The following CPEB2 variants were observed in gnomAD, a reference collection of about 807,000 sequenced individuals.
CPEB2 encodes cytoplasmic polyadenylation element-binding protein 2.
A neutral mutation model predicts 93.6 loss-of-function variants in CPEB2; 56 were observed. That is an observed-to-expected ratio of 0.60 (90% confidence interval 0.48 to 0.75). CPEB2 has a LOEUF of 0.75. CPEB2 is among the 30% of genes least tolerant of loss of function. The pLI is 0.00. For synonymous variants in CPEB2, 764 were observed against 586.3 expected (o/e 1.30, Z -4.38); for missense variants, 1,579 against 1,395.1 (o/e 1.13, Z -2.10).
chr4:15,056,990 C>T (rs77759508), intron 8 of CPEB2, among the ~76,000 whole-genome samples: 4,143 of 151,510 alleles, frequency 0.027, 89 homozygotes, highest in South Asian at 0.14. Flanking sequence ...TTAAATTAAG[C>T]AATATTAAAA....
chr4:15,004,591 G>T (rs1722525321), intron 1 of CPEB2, among the ~76,000 whole-genome samples: 1 of 152,080 alleles, frequency 6.6e-6, no homozygotes, highest in South Asian at 2.1e-4. Flanking sequence ...TGGGAGCCGC[G>T]GCTGGCCGGG....
chr4:15,024,935 G>A (rs187616986), intron 4 of CPEB2, among the ~76,000 whole-genome samples: 251 of 151,788 alleles, frequency 1.7e-3, no homozygotes, highest in Middle Eastern at 3.4e-3. Context: ...CAGTAGAGAC[G>A]GGGTTTCACT....
intron 4 of CPEB2, among the ~76,000 whole-genome samples, chr4:15,026,362 G>A (rs1725480192): frequency 6.6e-6 from 1 of 151,900 alleles, no homozygotes; most frequent in Non-Finnish European, 1.5e-5. Flanking sequence ...AAGTAACTGG[G>A]ACTAGAAGCA....
chr4:15,062,201 T>C lies in CPEB2; in HGVS notation c.2818T>C (p.Tyr940His), dbSNP rs1729252932. 1.2e-6 allele frequency: 2 copies of C among 1,612,920 alleles called. No individual in the cohort carries two copies. The change falls in exon 11 of 12, where the codon TAT becomes CAT. Residue 940 changes from tyrosine (Y) to histidine (H), a missense_variant. Tyr to His is a moderately conservative substitution (Grantham distance 83). Around this residue, in one of 2 missense-constraint regions of CPEB2, gnomAD observed 168 missense variants for 339.1 expected, o/e 0.50. Transcript: ENST00000538197. ...AGTTGCTTTCTCCAATCAGCAGAGCTATATTGCTGCCATTAGTGCTCGGTT... is the reference window on the plus strand; with the variant it reads ...AGTTGCTTTCTCCAATCAGCAGAGCCATATTGCTGCCATTAGTGCTCGGTT... ...GRVAFSNQQS[Y>H]IAAISARFVQ...
intron 10 of CPEB2, 86 bp from the exon 11 acceptor site, chr4:15,061,993 G>A (rs1729231073): frequency 8.1e-7 from 1 of 1,228,454 alleles, no homozygotes; most frequent in Non-Finnish European, 1.1e-6. Context: ...ATATACTATT[G>A]ACTTTTACGT....
At chr4:15,043,590 G>A (rs952842899) in intron 6 of CPEB2, among the ~76,000 whole-genome samples, 4 of 152,044 alleles carry the variant, frequency 2.6e-5, no homozygotes, top group East Asian at 1.9e-4. Context: ...GAAGGGAGGC[G>A]TGAAGTGTAA....
At chr4:15,004,758 C>T (rs1722555966) in intron 1 of CPEB2, among the ~76,000 whole-genome samples, 1 of 151,732 alleles carries the variant, frequency 6.6e-6, no homozygotes, top group South Asian at 2.1e-4. Context: ...GCCGCCGCCC[C>T]GGACCCCCGA....
intron 8 of CPEB2, among the ~76,000 whole-genome samples, chr4:15,055,064 A>G (rs559362388): frequency 5.1e-4 from 77 of 152,340 alleles, no homozygotes; most frequent in African/African-American, 1.4e-3. Flanking sequence ...GAAGCATGAT[A>G]AAGAAGTTAT....
At chr4:15,063,534 C>T (rs1729403476) in intron 11 of CPEB2, among the ~76,000 whole-genome samples, 1 of 152,028 alleles carries the variant, frequency 6.6e-6, no homozygotes, top group South Asian at 2.1e-4. Context: ...TTGGGTCCTA[C>T]CCCCTGAGGT....
At chr4:15,011,006 T>C (rs1723397440) in intron 3 of CPEB2, among the ~76,000 whole-genome samples, 1 of 152,000 alleles carries the variant, frequency 6.6e-6, no homozygotes, top group Admixed American at 6.6e-5. Context: ...TAGAAAACCC[T>C]CAAATTTAAA....
chr4:15,008,482 A>G (rs1031712574), intron 3 of CPEB2, 55 bp downstream of exon 3: 2 of 1,163,696 alleles, frequency 1.7e-6, no homozygotes, highest in Admixed American at 3.7e-5. Flanking sequence ...TAGTATTTAT[A>G]TTATGAGTAG....
At position 15,003,922 on chromosome 4, in the gene CPEB2, C is replaced by G; in HGVS notation, c.1249C>G (p.Pro417Ala). 1 of 1,065,146 alleles carries G rather than the reference C, an allele frequency of 9.4e-7. No individual in the cohort carries two copies. The highest frequency in any genetic ancestry group is 1.2e-6 in the Non-Finnish European group (1 of 825,372). 66.0% of individuals were successfully genotyped at this position (1,065,146 alleles called of 1,614,324 possible). ...PPPQQPPQPQ[P>A]QPPGSSATTP... ...ACCCCAGCAGCCGCCCCAGCCGCAG[C>G]CGCAGCCGCCCGGCTCGTCTGCCAC... Residue 417 changes from proline (P) to alanine (A), a missense_variant, in exon 1 of 12, where the codon CCG (proline) becomes GCG (alanine). Transcript: ENST00000538197.
intron 11 of CPEB2, among the ~76,000 whole-genome samples, chr4:15,065,173 A>G (rs1004642091): frequency 2.4e-4 from 37 of 152,224 alleles, no homozygotes; most frequent in Middle Eastern, 3.4e-3. Context: ...AATATTGCGG[A>G]AAATATCCTT....
At chr4:15,026,459 C>A (rs1329074046) in intron 4 of CPEB2, among the ~76,000 whole-genome samples, 1 of 152,136 alleles carries the variant, frequency 6.6e-6, no homozygotes, top group African/African-American at 2.4e-5. Context: ...ATCTCCTGAC[C>A]TCATGATCCA....
intron 11 of CPEB2, chr4:15,063,884 G>GTAATTTTGAA (rs1334707447): frequency 6.6e-6 from 1 of 152,092 alleles, no homozygotes; most frequent in Non-Finnish European, 1.5e-5. Flanking sequence ...TGCTACAAAG[G>GTAATTTTGAA]TAATTTTGAA....
intron 5 of CPEB2, among the ~76,000 whole-genome samples, chr4:15,037,516 A>C (rs957423929): frequency 6.6e-6 from 1 of 152,084 alleles, no homozygotes; most frequent in African/African-American, 2.4e-5. Context: ...AATACATATG[A>C]CCCTACACAG....
At chr4:15,028,408 G>A (rs774278968) in intron 4 of CPEB2, among the ~76,000 whole-genome samples, 5 of 150,948 alleles carry the variant, frequency 3.3e-5, no homozygotes, top group Admixed American at 2.0e-4. Flanking sequence ...TTGTGTTTTT[G>A]ATTCAGTCCA....
In CPEB2 at chr4:15,002,523, G is replaced by T; in HGVS notation, c.-151G>T. The T allele has an allele frequency of 1.8e-6, 1 of 569,370 alleles. No homozygotes were observed. The highest frequency in any genetic ancestry group is 2.8e-6 in the Non-Finnish European group (1 of 356,900). 35.3% of individuals were successfully genotyped at this position (569,370 alleles called of 1,614,324 possible). On this transcript the variant is annotated 5_prime_UTR_variant, in exon 1 of 12. Transcript: ENST00000538197. Reference sequence around the variant, plus strand: ...GGCGATCGCCGCGAGGGGTGGTGGGGCCGAAGTCGGTGCCCCCTGGCTCAG... The same window carrying T: ...GGCGATCGCCGCGAGGGGTGGTGGGTCCGAAGTCGGTGCCCCCTGGCTCAG...
intron 3 of CPEB2, among the ~76,000 whole-genome samples, chr4:15,009,717 A>G (rs543749370): frequency 1.7e-4 from 26 of 152,348 alleles, no homozygotes; most frequent in African/African-American, 4.6e-4. Flanking sequence ...GGATACATAT[A>G]TAGGAGAAAT....
Sources: gnomAD v4.1 joint callset for allele counts (sites outside exome capture counted in the v4.1 genomes callset) on GRCh38, gnomAD v4.1.1 for gene constraint, gnomAD v4.1.1 regional missense constraint, MANE v1.5 for transcripts, NCBI Gene and HGNC (gene_info 2026-07-23, HGNC 2026-07-21) for gene names.